UCHL3: variants seen among roughly 807,000 people sequenced by gnomAD.
The protein encoded by UCHL3 is ubiquitin carboxyl-terminal hydrolase isozyme L3.
A neutral mutation model predicts 35.8 loss-of-function variants in UCHL3; 22 were observed. That is an observed-to-expected ratio of 0.61 (90% CI 0.44 to 0.88). The LOEUF (loss-of-function observed/expected upper bound fraction) is 0.88. UCHL3 is among the 40% of genes least tolerant of loss of function. The pLI is 0.00. For synonymous variants in UCHL3, 90 were observed against 92.8 expected (o/e 0.97, Z 0.17); for missense variants, 229 against 276.9 (o/e 0.83, Z 1.23).
intron 6 of UCHL3, among the ~76,000 whole-genome samples, chr13:75,587,005 A>C: frequency 7.6e-6 from 1 of 130,790 alleles, no homozygotes; most frequent in African/African-American, 2.8e-5. Flanking sequence ...CTAAGTTTTT[A>C]CCTTAAGGTA....
chr13:75,566,874 A>AT lies in UCHL3; in HGVS notation c.340+29dup, dbSNP rs530321484. The AT allele has an allele frequency of 8.0e-4, 1,264 of 1,575,138 alleles. 9 individuals carry two copies. In the African/African-American group the frequency reaches 0.014, roughly 18 times the overall value. On this transcript the variant is annotated intron_variant, in intron 4 of 8. Transcript: ENST00000377595. The stretch of plus-strand genomic sequence containing the variant: ...TTGGTAAATGATTTTTCATTACTGC[A>AT]TTTTTTCCCCCTTAAGATACAAGTT...
chr13:75,582,373 G>T (rs2032211495), intron 6 of UCHL3, among the ~76,000 whole-genome samples: 1 of 152,120 alleles, frequency 6.6e-6, no homozygotes, highest in Non-Finnish European at 1.5e-5. Context: ...CTATAATGAA[G>T]AGATGAGTTT....
chr13:75,605,375 G>T (rs1237584806), intron 8 of UCHL3, among the ~76,000 whole-genome samples: 2 of 152,108 alleles, frequency 1.3e-5, no homozygotes, highest in African/African-American at 4.8e-5. Flanking sequence ...GGGTGTGGTG[G>T]TATGTGACTG....
At chr13:75,569,020 G>T in intron 5 of UCHL3, 1 of 151,928 alleles carries the variant, frequency 6.6e-6, no homozygotes. Context: ...TTTCTCAATT[G>T]CTGACTGAAA....
chr13:75,603,452 G>A (rs2032837056), intron 7 of UCHL3, among the ~76,000 whole-genome samples: 1 of 152,078 alleles, frequency 6.6e-6, no homozygotes, highest in South Asian at 2.1e-4. Context: ...GAATATAAGT[G>A]AGGCCCTGTC....
Position 75,566,806 on chromosome 13 carries a change from G to T in UCHL3, c.295G>T (p.Gly99Ter). 6.2e-7 allele frequency: 1 copy of T among 1,609,522 alleles called. No individual in the cohort carries two copies. Among genetic ancestry groups the T allele is most frequent in the Non-Finnish European group, 8.5e-7 (1 of 1,178,490 alleles). ...AATCAGCAATGCCTGTGGAACAATT[G>T]GACTGATTCATGCTATTGCAAACAA... ...QTISNACGTI[G>*]LIHAIANNKD... Residue 99 changes from glycine to a stop codon, truncating the protein, a stop_gained, in exon 4 of 9, where the codon GGA becomes TGA. Coordinates refer to ENST00000377595, the MANE Select transcript of UCHL3 (RefSeq NM_006002.5). LOFTEE classifies it high-confidence loss of function.
chr13:75,604,346 T>C (rs1316208566), intron 7 of UCHL3, among the ~76,000 whole-genome samples: 1 of 152,198 alleles, frequency 6.6e-6, no homozygotes, highest in Non-Finnish European at 1.5e-5. Flanking sequence ...AATAGTAGTA[T>C]TGTATAAGCC....
chr13:75,604,706 A>G (rs1417699647), intron 7 of UCHL3, 63 bp from the exon 8 acceptor site: 10 of 1,386,066 alleles, frequency 7.2e-6, no homozygotes, highest in Non-Finnish European at 9.8e-6. Flanking sequence ...GGAAAATGGA[A>G]GTTGAAAGCA....
chr13:75,601,060 A>G (rs2032771593), intron 7 of UCHL3, among the ~76,000 whole-genome samples: 1 of 152,220 alleles, frequency 6.6e-6, no homozygotes, highest in South Asian at 2.1e-4. Context: ...GAAAACTAGA[A>G]TTAGAAGGGG....
At chr13:75,558,780 T>C (rs2031380304) in intron 2 of UCHL3, among the ~76,000 whole-genome samples, 1 of 152,180 alleles carries the variant, frequency 6.6e-6, no homozygotes. Context: ...GATTCAGCCA[T>C]GTACAGTGCT....
chr13:75,581,516 ATTTTTTT>A (rs11330521), intron 6 of UCHL3, among the ~76,000 whole-genome samples: 86 of 109,400 alleles, frequency 7.9e-4, no homozygotes, highest in African/African-American at 2.8e-3. Context: ...CACCTGGCTA[ATTTTTTT>A]TTTTTTTTTT....
chr13:75,581,751 A>G (rs1270463002), intron 6 of UCHL3, among the ~76,000 whole-genome samples: 2 of 150,606 alleles, frequency 1.3e-5, no homozygotes, highest in East Asian at 3.9e-4. Flanking sequence ...AGCATTTCAA[A>G]TACGTTGGTT....
chr13:75,585,483 A>G (rs1040916450), intron 6 of UCHL3, among the ~76,000 whole-genome samples: 1 of 152,178 alleles, frequency 6.6e-6, no homozygotes, highest in Non-Finnish European at 1.5e-5. Context: ...GAGAGAGCTC[A>G]TACCAGCTTA....
In UCHL3 at chr13:75,576,390, C is replaced by T. The variant is rs186771907; in HGVS notation, c.474+6883C>T. Among the ~76,000 whole-genome samples, 518 of 152,076 alleles carry T rather than the reference C, an allele frequency of 3.4e-3. 3 individuals are homozygous for T. Among genetic ancestry groups the T allele is most frequent in the African/African-American group, 0.012 (500 of 41,464 alleles). On this transcript the variant is annotated intron_variant, in intron 6 of 8. Coordinates refer to ENST00000377595, the MANE Select transcript of UCHL3 (RefSeq NM_006002.5). The stretch of plus-strand genomic sequence containing the variant: ...GACTACAGGCACGTGCCACCACACC[C>T]GGCTAATTTTTTGTATTTTTAGTAG...
intron 6 of UCHL3, among the ~76,000 whole-genome samples, chr13:75,579,577 C>A (rs1400895238): frequency 1.3e-5 from 2 of 151,882 alleles, no homozygotes; most frequent in Admixed American, 6.6e-5. Flanking sequence ...CATTTCTCTC[C>A]TTTCCTCCCC....
intron 6 of UCHL3, among the ~76,000 whole-genome samples, chr13:75,571,396 C>G (rs1315616708): frequency 6.6e-6 from 1 of 152,176 alleles, no homozygotes; most frequent in Non-Finnish European, 1.5e-5. Flanking sequence ...TGTTAGACAT[C>G]ATCTGAATGA....
intron 5 of UCHL3, among the ~76,000 whole-genome samples, chr13:75,567,876 T>C (rs1016276228): frequency 1.3e-5 from 2 of 152,152 alleles, no homozygotes; most frequent in Non-Finnish European, 2.9e-5. Flanking sequence ...AAATATCTTA[T>C]GATTGACTAT....
intron 6 of UCHL3, among the ~76,000 whole-genome samples, chr13:75,589,715 T>G (rs1199708441): frequency 6.6e-6 from 1 of 152,206 alleles, no homozygotes; most frequent in Admixed American, 6.5e-5. Context: ...ATATTATCAA[T>G]GTACACATAT....
chr13:75,558,089 C>T (rs2031352940), intron 2 of UCHL3, among the ~76,000 whole-genome samples: 1 of 152,004 alleles, frequency 6.6e-6, no homozygotes, highest in East Asian at 1.9e-4. Flanking sequence ...GTGAGCCTGA[C>T]TCATGGCAAT....
Sources: allele counts gnomAD v4.1 joint callset (sites outside exome capture counted in the v4.1 genomes callset), GRCh38; gene constraint gnomAD v4.1.1; transcripts MANE v1.5; gene names NCBI Gene and HGNC (gene_info 2026-07-23, HGNC 2026-07-21).